The following SPATA2L variants were observed in gnomAD, a reference collection of about 807,000 sequenced individuals.
SPATA2L encodes the protein spermatogenesis associated 2 like.
Under a neutral mutation model 8.7 loss-of-function variants are expected in SPATA2L, and 5 were observed. The observed-to-expected ratio is 0.57, with a 90% CI of 0.30 to 1.21. The LOEUF (loss-of-function observed/expected upper bound fraction) is 1.21, where lower values mean the gene tolerates loss of function less well. Ranked by LOEUF, SPATA2L falls within the 50% of genes most tolerant of loss-of-function variation. The probability of loss-of-function intolerance (pLI) is 0.07; values close to 1 mark genes in which losing one functional copy is unlikely to be tolerated. For synonymous variants in SPATA2L, 358 were observed against 275.8 expected (o/e 1.30, Z -2.95); for missense variants, 671 against 591.0 (o/e 1.14, Z -1.40).
At chr16:89,700,232 C>G (rs1463997560) in intron 2 of SPATA2L, among the ~76,000 whole-genome samples, 2 of 152,242 alleles carry the variant, frequency 1.3e-5, no homozygotes, top group African/African-American at 4.8e-5. Flanking sequence ...TCCGTCCTCT[C>G]TCATGAATGA....
chr16:89,698,990 G>A (rs566030596), intron 2 of SPATA2L, among the ~76,000 whole-genome samples: 72 of 151,966 alleles, frequency 4.7e-4, no homozygotes, highest in African/African-American at 1.7e-3. Flanking sequence ...GTTTCACCAT[G>A]TTGACCAGGA....
At position 89,698,205 on chromosome 16, in the gene SPATA2L, T is replaced by C. The variant is rs767722627; in HGVS notation, c.404A>G (p.His135Arg). Residue 135 changes from histidine (H) to arginine (R), a missense_variant, in exon 3 of 3, where the codon CAT becomes CGT. Transcript: ENST00000289805. ...GGGCAGGGCGGTCACCATGAGCCGA[T>C]GGCTGTCTCTGCGTACGTAGCCCAT... ...QKMGYVRRDS[H>R]RLMVTALPPA... is the part of the protein sequence containing the mutation. 1 of 1,613,040 alleles carries C rather than the reference T, an allele frequency of 6.2e-7. No individual in the cohort carries two copies. The highest frequency in any genetic ancestry group is 1.1e-5 in the South Asian group (1 of 91,042).
chr16:89,700,133 A>C (rs1458518014), intron 2 of SPATA2L, among the ~76,000 whole-genome samples: 3 of 152,234 alleles, frequency 2.0e-5, no homozygotes, highest in East Asian at 3.8e-4. Flanking sequence ...GCCAGGAAGC[A>C]GCAGAACTAA....
At position 89,696,840 on chromosome 16, in the gene SPATA2L, G is replaced by A; in HGVS notation, c.*494C>T. On this transcript the variant is annotated 3_prime_UTR_variant, in exon 3 of 3. Transcript: ENST00000289805. ...CCAGGTCAGCCGTGCACCCGGCAGA[G>A]CCCCGCAGATTGGCTCCAGCAGAGC... The A allele has an allele frequency of 6.5e-7, 1 of 1,535,456 alleles. No homozygotes were observed. Among genetic ancestry groups the A allele is most frequent in the Non-Finnish European group, 8.7e-7 (1 of 1,146,528 alleles).
At chr16:89,698,508 CAG>C (rs1303484898) in intron 2 of SPATA2L, among the ~76,000 whole-genome samples, 15 of 94,580 alleles carry the variant, frequency 1.6e-4, no homozygotes, top group African/African-American at 6.2e-4. Flanking sequence ...TTTTTTGAGA[CAG>C]AGTCTTGCTC....
At chr16:89,700,802 G>T in intron 2 of SPATA2L, 128 bp downstream of exon 2, 1 of 1,071,830 alleles carries the variant, frequency 9.3e-7, no homozygotes. Context: ...TCGGAGCCTT[G>T]AGGAGCCCAC....
chr16:89,701,309 C>A (rs913160015), intron 1 of SPATA2L, 76 bp from the exon 2 acceptor site: 1 of 1,326,100 alleles, frequency 7.5e-7, no homozygotes, highest in Non-Finnish European at 9.7e-7. Context: ...CGAACCCTCA[C>A]CCAGCGTCCC....
At chr16:89,699,602 G>A (rs1166105998) in intron 2 of SPATA2L, among the ~76,000 whole-genome samples, 1 of 151,388 alleles carries the variant, frequency 6.6e-6, no homozygotes, top group Non-Finnish European at 1.5e-5. Context: ...CCAGGATGGA[G>A]TGCAGTGGCT....
At position 89,697,948 on chromosome 16, in the gene SPATA2L, AAGC is replaced by A. The variant is rs771998722; in HGVS notation, c.658_660del (p.Ala220del). ...CGGTATAAGTCCAGTGGGGCCCTGT[AAGC>A]AGCAGGGGAGCCTCGGGGGGGCAGG... On this transcript the variant is annotated inframe_deletion, in exon 3 of 3. Coordinates refer to ENST00000289805, the MANE Select transcript of SPATA2L (RefSeq NM_152339.4). The A allele has an allele frequency of 6.2e-7, 1 of 1,608,368 alleles. No individual in the cohort carries two copies. The highest frequency in any genetic ancestry group is 1.3e-5 in the African/African-American group (1 of 74,842).
At position 89,698,178 on chromosome 16, in the gene SPATA2L, G is replaced by C; in HGVS notation, c.431C>G (p.Pro144Arg). The C allele has an allele frequency of 6.2e-7, 1 of 1,612,842 alleles. No homozygotes were observed. The highest frequency in any genetic ancestry group is 8.5e-7 in the Non-Finnish European group (1 of 1,179,864). The change falls in exon 3 of 3, where the codon CCC (proline) becomes CGC (arginine). Residue 144 changes from proline to arginine, a missense_variant. Pro to Arg is a moderately radical substitution (Grantham distance 103, BLOSUM62 -2). Coordinates refer to ENST00000289805, the MANE Select transcript of SPATA2L (RefSeq NM_152339.4). ...GGCCACCTGCACCAGCTGGCAGGCG[G>C]GGGGCAGGGCGGTCACCATGAGCCG... The part of the protein sequence containing the change: ...SHRLMVTALP[P>R]ACQLVQVALG...
intron 1 of SPATA2L, 74 bp downstream of exon 1, chr16:89,701,554 C>G: frequency 3.2e-6 from 1 of 315,516 alleles, no homozygotes; most frequent in African/African-American, 2.1e-5. Flanking sequence ...CGCTTCCGCC[C>G]GCTGAGCCCT....
chr16:89,697,117 A>G lies in SPATA2L; in HGVS notation c.*217T>C. ...GGGTTCCGAGGGTGGGGAAATGTGG[A>G]AAGGCTCCTGCTGGCCGGCTTAGGC... On this transcript the variant is annotated 3_prime_UTR_variant, in exon 3 of 3. Transcript: ENST00000289805. 5.8e-6 allele frequency: 8 copies of G among 1,376,340 alleles called. No homozygotes were observed. The highest frequency in any genetic ancestry group is 7.5e-6 in the Non-Finnish European group (8 of 1,067,134). The allele number at this position is 1,376,340 out of a possible 1,614,324, so 85.3% of individuals were successfully genotyped here.
In SPATA2L at chr16:89,697,730, A is replaced by G. The variant is rs1300078749; in HGVS notation, c.879T>C (p.Tyr293=). ...GTTCCAGCCCCTCCTCCAAGGCCCC[A>G]TATGGTGGGCTGCTGGCCTGCGGCA... ...EELPQASSPP[Y]GALEEGLEPE... The change falls in exon 3 of 3, where the codon TAT becomes TAC. Residue 293 remains tyrosine, a synonymous_variant. Coordinates refer to ENST00000289805, the MANE Select transcript of SPATA2L (RefSeq NM_152339.4). 1.2e-6 allele frequency: 2 copies of G among 1,609,904 alleles called. No individual in the cohort carries two copies. The highest frequency in any genetic ancestry group is 1.3e-5 in the African/African-American group (1 of 74,800).
Position 89,697,318 on chromosome 16 carries a change from C to T in SPATA2L, c.*16G>A, listed in dbSNP as rs560793591. Reference sequence around the variant, plus strand: ...GAGCTGTCTCCCAAGAGCCCTTGACCTGGGGCCCAGCTGGCCTAGGGCCGG... The same window carrying T: ...GAGCTGTCTCCCAAGAGCCCTTGACTTGGGGCCCAGCTGGCCTAGGGCCGG... On this transcript the variant is annotated 3_prime_UTR_variant, in exon 3 of 3. Coordinates refer to ENST00000289805, the MANE Select transcript of SPATA2L (RefSeq NM_152339.4). The T allele has an allele frequency of 1.3e-6, 2 of 1,494,204 alleles. No individual in the cohort carries two copies. Among genetic ancestry groups the T allele is most frequent in the Admixed American group, 4.6e-5 (2 of 43,646 alleles). 92.6% of individuals were successfully genotyped at this position (1,494,204 alleles called of 1,614,324 possible).
Position 89,697,756 on chromosome 16 carries a change from G to C in SPATA2L, c.853C>G (p.Leu285Val), listed in dbSNP as rs372804816. The C allele has an allele frequency of 1.2e-6, 2 of 1,603,458 alleles. No homozygotes were observed. Among genetic ancestry groups the C allele is most frequent in the Non-Finnish European group, 1.7e-6 (2 of 1,175,858 alleles). ...TATGGTGGGCTGCTGGCCTGCGGCAGCTCCTCAGCTGGGGGCTCCCAGGCC... is the reference window on the plus strand; with the variant it reads ...TATGGTGGGCTGCTGGCCTGCGGCACCTCCTCAGCTGGGGGCTCCCAGGCC... ...GRAWEPPAEE[L>V]PQASSPPYGA... Residue 285 changes from leucine to valine, a missense_variant, in exon 3 of 3, where the codon CTG becomes GTG. By Grantham distance (32) the Leu-to-Val change is conservative (BLOSUM62 1). Transcript: ENST00000289805.
intron 2 of SPATA2L, among the ~76,000 whole-genome samples, chr16:89,699,044 C>T (rs1202259870): frequency 1.3e-5 from 2 of 152,084 alleles, no homozygotes; most frequent in Non-Finnish European, 1.5e-5. Flanking sequence ...CCTTGGCCTC[C>T]CGAAGTGCTG....
rs778998399 is a variant in SPATA2L, at chr16:89,697,401, C to T, written c.1208G>A (p.Arg403Gln). 24 of 1,598,374 alleles carry T rather than the reference C, an allele frequency of 1.5e-5. No individual in the cohort carries two copies. Among genetic ancestry groups the T allele is most frequent in the African/African-American group, 5.4e-5 (4 of 74,648 alleles). ...SLRVLLGDAQRRLWLQRAQMD... is the reference protein window; with the variant it reads ...SLRVLLGDAQQRLWLQRAQMD... ...CTGTGCACGCTGTAGCCACAAGCGC[C>T]GCTGGGCGTCGCCAAGCAGCACACG... Residue 403 changes from arginine (R) to glutamine (Q), a missense_variant, in exon 3 of 3, where the codon CGG becomes CAG. Physicochemically the swap from Arg to Gln is conservative, Grantham distance 43. Coordinates refer to ENST00000289805, the MANE Select transcript of SPATA2L (RefSeq NM_152339.4).
chr16:89,697,114 T>C lies in SPATA2L; in HGVS notation c.*220A>G, dbSNP rs1016054021. The C allele has an allele frequency of 7.3e-7, 1 of 1,376,892 alleles. No homozygotes were observed. The highest frequency in any genetic ancestry group is 1.9e-5 in the South Asian group (1 of 52,278). The allele number at this position is 1,376,892 out of a possible 1,614,324, so 85.3% of individuals were successfully genotyped here. A position where few individuals can be genotyped will look rare whatever the true frequency, so the allele number is the denominator to read the frequency against. On this transcript the variant is annotated 3_prime_UTR_variant, in exon 3 of 3. Transcript: ENST00000289805. ...TCTGGGTTCCGAGGGTGGGGAAATG[T>C]GGAAAGGCTCCTGCTGGCCGGCTTA...
rs1298065707 is a variant in SPATA2L at position 89,698,297 on chromosome 16, A to G, written c.312T>C (p.Ser104=). 1 of 1,563,802 alleles carries G rather than the reference A, an allele frequency of 6.4e-7. No individual in the cohort carries two copies. ...RKEFTTIKTF[S]GGYVHVLKGV... ...CCTTCAGCACGTGCACGTAGCCCCC[A>G]GAGAAGGTCTGCAAGGGAGCGGCCA... Residue 104 remains serine, a synonymous_variant, in exon 3 of 3, where the codon TCT becomes TCC. Transcript: ENST00000289805.
Sources: gnomAD v4.1 joint callset for allele counts (sites outside exome capture counted in the v4.1 genomes callset) on GRCh38, gnomAD v4.1.1 for gene constraint, MANE v1.5 for transcripts, NCBI Gene and HGNC (gene_info 2026-07-23, HGNC 2026-07-21) for gene names.